PRSS12: variants seen among roughly 807,000 people sequenced by gnomAD.
PRSS12 encodes the protein neurotrypsin.
Under a neutral mutation model 104.4 loss-of-function variants are expected in PRSS12, and 85 were observed. The ratio of observed to expected loss-of-function variants is 0.81; its 90% CI spans 0.68 to 0.98. PRSS12 has a LOEUF of 0.98. Among genes scored for constraint, PRSS12 ranks in the 50% least tolerant of loss-of-function variants. PRSS12 has a pLI of 0.00. For synonymous variants in PRSS12, 454 were observed against 425.2 expected (o/e 1.07, Z -0.83); for missense variants, 1,141 against 1,139.2 (o/e 1.00, Z -0.02).
At position 118,282,863 on chromosome 4, in the gene PRSS12, G is replaced by A. The variant is rs375112684; in HGVS notation, c.2288C>T (p.Ser763Phe). 2 of 1,614,138 alleles carry A rather than the reference G, an allele frequency of 1.2e-6. No homozygotes were observed. The highest frequency in any genetic ancestry group is 2.2e-5 in the East Asian group (1 of 44,876). The change falls in exon 12 of 13, where the codon TCC (serine) becomes TTC (phenylalanine). Residue 763 changes from serine to phenylalanine, a missense_variant. Transcript: ENST00000296498. Reference protein sequence around the residue: ...LWRERPQKTASNCYITGWGDT... With the variant: ...LWRERPQKTAFNCYITGWGDT... ...ACCCCATCCTGTTATGTAACAGTTG[G>A]ATGCTGTTTTCTGTGGCCTCTCTCT... is the stretch of plus-strand genomic sequence containing the variant.
In PRSS12 at chr4:118,335,601, G is replaced by A; in HGVS notation, c.692C>T (p.Pro231Leu). Residue 231 changes from proline (P) to leucine (L), a missense_variant, in exon 3 of 13, where the codon CCC becomes CTC. Transcript: ENST00000296498. Reference protein sequence around the residue: ...QTPFSGLGLIPIYWSNVRCRG... With the variant: ...QTPFSGLGLILIYWSNVRCRG... ...GCAACGGACATTGCTCCAATAAATG[G>A]GAATAAGGCCCAGTCCAGAAAACGG... The A allele has an allele frequency of 6.2e-7, 1 of 1,613,954 alleles. No individual in the cohort carries two copies. Among genetic ancestry groups the A allele is most frequent in the Non-Finnish European group, 8.5e-7 (1 of 1,179,962 alleles).
intron 4 of PRSS12, among the ~76,000 whole-genome samples, chr4:118,321,315 G>A (rs1723612182): frequency 6.6e-6 from 1 of 152,144 alleles, no homozygotes; most frequent in African/African-American, 2.4e-5. Context: ...ATGTCTATAT[G>A]CCTAGAGAAG....
intron 11 of PRSS12, among the ~76,000 whole-genome samples, chr4:118,284,487 A>T (rs1290598549): frequency 6.6e-6 from 1 of 152,196 alleles, no homozygotes; most frequent in East Asian, 1.9e-4. Flanking sequence ...CAATGAGTGT[A>T]TTCTCCACCT....
chr4:118,300,802 CAAAG>C (rs1177739756), intron 8 of PRSS12, among the ~76,000 whole-genome samples: 2 of 152,124 alleles, frequency 1.3e-5, no homozygotes, highest in African/African-American at 2.4e-5. Flanking sequence ...ATACAATAGA[CAAAG>C]AAATCATTTA....
At chr4:118,299,570 C>T (rs183060742) in intron 8 of PRSS12, among the ~76,000 whole-genome samples, 97 of 151,802 alleles carry the variant, frequency 6.4e-4, no homozygotes, top group Middle Eastern at 3.4e-3. Context: ...ATCCCAGCTA[C>T]TTGGGAGGCT....
chr4:118,294,087 CCGTAT>C (rs1385848719), intron 11 of PRSS12, among the ~76,000 whole-genome samples: 2 of 152,098 alleles, frequency 1.3e-5, no homozygotes, highest in Non-Finnish European at 2.9e-5. Flanking sequence ...AAGGTATGTA[CCGTAT>C]GATATCACAT....
chr4:118,288,987 C>G (rs1296189630), intron 11 of PRSS12, among the ~76,000 whole-genome samples: 1 of 152,168 alleles, frequency 6.6e-6, no homozygotes, highest in African/African-American at 2.4e-5. Flanking sequence ...TGTGTGAAAG[C>G]TATGAGGGAA....
At chr4:118,325,637 A>G (rs1723751602) in intron 4 of PRSS12, among the ~76,000 whole-genome samples, 1 of 152,016 alleles carries the variant, frequency 6.6e-6, no homozygotes, top group Admixed American at 6.5e-5. Context: ...ATAATTGATG[A>G]CTCTGCTTTT....
At chr4:118,290,565 A>G (rs1233264655) in intron 11 of PRSS12, among the ~76,000 whole-genome samples, 1 of 152,154 alleles carries the variant, frequency 6.6e-6, no homozygotes, top group African/African-American at 2.4e-5. Context: ...CATAAAAATA[A>G]CCAATATTTG....
chr4:118,346,977 GCACA>G (rs141285212), intron 1 of PRSS12, among the ~76,000 whole-genome samples: 126 of 150,290 alleles, frequency 8.4e-4, no homozygotes, highest in Non-Finnish European at 1.1e-3. Context: ...ATGCACACAT[GCACA>G]CACACACACA....
chr4:118,341,831 A>G (rs1724219836), intron 1 of PRSS12, among the ~76,000 whole-genome samples: 1 of 152,174 alleles, frequency 6.6e-6, no homozygotes, highest in African/African-American at 2.4e-5. Context: ...CTGACCTTCT[A>G]CCTCCAAACT....
intron 8 of PRSS12, among the ~76,000 whole-genome samples, chr4:118,299,520 A>G (rs1369727101): frequency 6.6e-6 from 1 of 151,730 alleles, no homozygotes; most frequent in East Asian, 1.9e-4. Context: ...TTCTACTAAA[A>G]ATACAAAAAT....
intron 6 of PRSS12, 114 bp downstream of exon 6, chr4:118,316,064 CAGGT>C: frequency 9.0e-7 from 1 of 1,113,892 alleles, no homozygotes; most frequent in Admixed American, 2.0e-5. Flanking sequence ...CTTCCATACA[CAGGT>C]AGGAGAGAAC....
chr4:118,304,977 T>A (rs1158773908), intron 8 of PRSS12, among the ~76,000 whole-genome samples: 1 of 151,848 alleles, frequency 6.6e-6, no homozygotes, highest in African/African-American at 2.4e-5. Context: ...TCAAATCTTA[T>A]AACAGCTTCA....
At chr4:118,327,556 C>T (rs148490191) in intron 4 of PRSS12, among the ~76,000 whole-genome samples, 1 of 152,050 alleles carries the variant, frequency 6.6e-6, no homozygotes, top group Non-Finnish European at 1.5e-5. Context: ...AATGAAAGCA[C>T]CCTAAAAGGA....
rs548040514 is a variant in PRSS12, at chr4:118,282,081, G to A, written c.2483C>T (p.Pro828Leu). 7.4e-6 allele frequency: 12 copies of A among 1,614,122 alleles called. No homozygotes were observed. In the East Asian group the frequency reaches 2.5e-4, roughly 33 times the overall value. Residue 828 changes from proline to leucine, a missense_variant, in exon 13 of 13, where the codon CCA (proline) becomes CTA (leucine). Physicochemically the swap from Pro to Leu is moderately conservative, Grantham distance 98. Coordinates refer to ENST00000296498, the MANE Select transcript of PRSS12 (RefSeq NM_003619.4). The stretch of plus-strand genomic sequence containing the variant: ...CTCTCCGGGCCGTTCACACATGAGT[G>A]GTCCTCCGCTGTCTCCCTGGCAGCT... ...VDSCQGDSGG[P>L]LMCERPGESW...
chr4:118,315,329 T>C lies in PRSS12; in HGVS notation c.1292+853A>G, dbSNP rs566729106. Among the ~76,000 whole-genome samples the C allele has an allele frequency of 3.9e-5, 6 of 152,246 alleles. No homozygotes were observed. In the East Asian group the frequency reaches 9.6e-4, roughly 24 times the overall value. The stretch of plus-strand genomic sequence containing the variant: ...ATAAAAAATTATGGAGTTTTTTATT[T>C]TCATCATTTTCCAATGGTTTTACAT... On this transcript the variant is annotated intron_variant, in intron 6 of 12. Transcript: ENST00000296498.
intron 1 of PRSS12, among the ~76,000 whole-genome samples, chr4:118,348,824 T>C (rs1004303402): frequency 1.3e-5 from 2 of 152,124 alleles, no homozygotes; most frequent in African/African-American, 4.8e-5. Flanking sequence ...GCTAATTTTG[T>C]ATTTTTAGTA....
At chr4:118,323,742 G>A (rs1426987838) in intron 4 of PRSS12, among the ~76,000 whole-genome samples, 1 of 151,560 alleles carries the variant, frequency 6.6e-6, no homozygotes, top group Non-Finnish European at 1.5e-5. Context: ...CCAATAGGCT[G>A]GAAGAAACAT....
Sources: gnomAD v4.1 joint callset for allele counts (sites outside exome capture counted in the v4.1 genomes callset) on GRCh38, gnomAD v4.1.1 for gene constraint, MANE v1.5 for transcripts, NCBI Gene and HGNC (gene_info 2026-07-23, HGNC 2026-07-21) for gene names.